Variants in KLHL1 observed in about 807,000 individuals in gnomAD.
The protein encoded by KLHL1 is kelch like family member 1.
A neutral mutation model predicts 77.7 loss-of-function variants in KLHL1; 47 were observed. The ratio of observed to expected loss-of-function variants is 0.60; its 90% confidence interval spans 0.48 to 0.77. KLHL1 has a LOEUF of 0.77. KLHL1 is among the 30% of genes least tolerant of loss of function. The probability of loss-of-function intolerance (pLI) is 0.00; values close to 1 mark genes in which losing one functional copy is unlikely to be tolerated. For synonymous variants in KLHL1, 360 were observed against 325.2 expected (o/e 1.11, Z -1.15); for missense variants, 925 against 910.8 (o/e 1.02, Z -0.20).
chr13:70,054,166 T>C (rs1593706276), intron 1 of KLHL1, among the ~76,000 whole-genome samples: 2 of 152,314 alleles, frequency 1.3e-5, no homozygotes, highest in South Asian at 2.1e-4. Context: ...GCTAGTCACA[T>C]AGATTGTCTC....
chr13:70,027,500 G>A (rs1885979310), intron 1 of KLHL1, among the ~76,000 whole-genome samples: 1 of 151,650 alleles, frequency 6.6e-6, no homozygotes, highest in Non-Finnish European at 1.5e-5. Flanking sequence ...TCTATATTGT[G>A]GTAGTGTGAT....
chr13:69,850,358 T>C (rs971378887), intron 5 of KLHL1, among the ~76,000 whole-genome samples: 9 of 151,554 alleles, frequency 5.9e-5, no homozygotes, highest in South Asian at 4.1e-4. Context: ...TTCCAAAATT[T>C]GTTTTCCTTC....
At chr13:69,857,608 T>A (rs1432647251) in intron 5 of KLHL1, among the ~76,000 whole-genome samples, 1 of 152,102 alleles carries the variant, frequency 6.6e-6, no homozygotes, top group African/African-American at 2.4e-5. Context: ...TTCATTTGTA[T>A]ATGCTCAGTC....
intron 1 of KLHL1, among the ~76,000 whole-genome samples, chr13:70,007,412 T>C (rs2137333024): frequency 6.6e-6 from 1 of 151,536 alleles, no homozygotes; most frequent in South Asian, 2.1e-4. Context: ...GCCACTGCAC[T>C]CCATCCTGGG....
rs961752720 is a variant in KLHL1 at position 69,871,073 on chromosome 13, A to T, written c.1227+11210T>A. Among the ~76,000 whole-genome samples, 4 of 152,088 alleles carry T rather than the reference A, an allele frequency of 2.6e-5. No individual in the cohort carries two copies. In the South Asian group the frequency reaches 8.3e-4, roughly 32 times the overall value. On this transcript the variant is annotated intron_variant, in intron 5 of 10. Coordinates refer to ENST00000377844, the MANE Select transcript of KLHL1 (RefSeq NM_020866.3). Reference sequence around the variant, plus strand: ...TCTGCCTAGACTCCCAGGCTTTCTGATACATCCTCTGAAATCTAGGTGGAA... The same window carrying T: ...TCTGCCTAGACTCCCAGGCTTTCTGTTACATCCTCTGAAATCTAGGTGGAA...
At chr13:69,806,813 A>G (rs1306974634) in intron 6 of KLHL1, among the ~76,000 whole-genome samples, 2 of 152,206 alleles carry the variant, frequency 1.3e-5, no homozygotes, top group Non-Finnish European at 2.9e-5. Context: ...GAGTGCAGAT[A>G]CTGGGGACCT....
chr13:69,921,045 T>C (rs976130117), intron 4 of KLHL1, among the ~76,000 whole-genome samples: 16 of 152,194 alleles, frequency 1.1e-4, no homozygotes, highest in Non-Finnish European at 5.9e-5. Flanking sequence ...TATGTTAAAA[T>C]GTAAATGTTG....
intron 9 of KLHL1, among the ~76,000 whole-genome samples, chr13:69,712,061 C>G (rs1195892586): frequency 6.6e-6 from 1 of 151,880 alleles, no homozygotes; most frequent in Non-Finnish European, 1.5e-5. Context: ...CCTAGTTTTT[C>G]TGTTCTTTTA....
chr13:69,912,770 T>G (rs1202344735), intron 4 of KLHL1, among the ~76,000 whole-genome samples: 1 of 152,108 alleles, frequency 6.6e-6, no homozygotes, highest in Non-Finnish European at 1.5e-5. Flanking sequence ...CCTTTTCTTT[T>G]TTTAGCTATA....
At chr13:69,734,656 A>G (rs948160980) in intron 8 of KLHL1, among the ~76,000 whole-genome samples, 1 of 151,064 alleles carries the variant, frequency 6.6e-6, no homozygotes, top group Admixed American at 6.6e-5. Context: ...TAATACTAAC[A>G]GAGAAAAATA....
chr13:69,947,027 GTT>G (rs1491507373), intron 3 of KLHL1, among the ~76,000 whole-genome samples: 2 of 90,248 alleles, frequency 2.2e-5, no homozygotes, highest in Admixed American at 1.5e-4. Flanking sequence ...GTGTGTGTGT[GTT>G]GTGTGTGTGT....
At chr13:69,715,116 T>C (rs1235375277) in intron 9 of KLHL1, among the ~76,000 whole-genome samples, 1 of 152,166 alleles carries the variant, frequency 6.6e-6, no homozygotes, top group Non-Finnish European at 1.5e-5. Context: ...TAAATTGGTA[T>C]AGCTATTGTA....
intron 6 of KLHL1, among the ~76,000 whole-genome samples, chr13:69,828,557 T>C (rs1304332260): frequency 6.7e-6 from 1 of 149,630 alleles, no homozygotes; most frequent in Non-Finnish European, 1.5e-5. Flanking sequence ...GGAGTGCAAA[T>C]GGGAAGTACA....
chr13:70,005,010 C>A (rs896765768), intron 1 of KLHL1, among the ~76,000 whole-genome samples: 10 of 151,490 alleles, frequency 6.6e-5, no homozygotes, highest in African/African-American at 2.4e-4. Context: ...ATAATTGTAA[C>A]GTAAGTCCTA....
intron 3 of KLHL1, among the ~76,000 whole-genome samples, chr13:69,941,929 T>G (rs2138304170): frequency 6.6e-6 from 1 of 151,952 alleles, no homozygotes; most frequent in South Asian, 2.1e-4. Flanking sequence ...ATAAAAACTC[T>G]GAACAATCAA....
At chr13:70,016,438 G>GT (rs1224832787) in intron 1 of KLHL1, among the ~76,000 whole-genome samples, 2 of 152,238 alleles carry the variant, frequency 1.3e-5, no homozygotes, top group Non-Finnish European at 2.9e-5. Context: ...CCGTAGGCTC[G>GT]TAAGTGCCTG....
At chr13:69,899,990 C>G (rs1333334134) in intron 4 of KLHL1, among the ~76,000 whole-genome samples, 1 of 152,026 alleles carries the variant, frequency 6.6e-6, no homozygotes, top group East Asian at 1.9e-4. Flanking sequence ...CTCACAAAGG[C>G]TGAACTTACT....
intron 6 of KLHL1, among the ~76,000 whole-genome samples, chr13:69,800,364 C>T (rs1421868517): frequency 2.6e-5 from 4 of 151,798 alleles, no homozygotes; most frequent in South Asian, 2.1e-4. Flanking sequence ...TTTTTCTGGG[C>T]GGGGTGGAGG....
At chr13:70,094,850 G>C (rs899566171) in intron 1 of KLHL1, among the ~76,000 whole-genome samples, 4 of 152,076 alleles carry the variant, frequency 2.6e-5, no homozygotes, top group Non-Finnish European at 5.9e-5. Context: ...TCTCCAGATA[G>C]GATAAGAATC....
Sources: gnomAD v4.1 joint callset for allele counts (sites outside exome capture counted in the v4.1 genomes callset) on GRCh38, gnomAD v4.1.1 for gene constraint, MANE v1.5 for transcripts, NCBI Gene and HGNC (gene_info 2026-07-23, HGNC 2026-07-21) for gene names.